LINC00632: variants seen among roughly 807,000 people sequenced by gnomAD.
LINC00632 encodes the protein long independently transcribed non-coding RNA 632, also known as ALDOA related specific transcript.
chrX:140,790,773 C>A (rs777725355), exon 5 of LINC00632, among the ~76,000 whole-genome samples: 2 of 111,048 alleles, frequency 1.8e-5, no homozygotes, highest in Non-Finnish European at 3.8e-5. Flanking sequence ...ATTCCTCTTA[C>A]GTGAATGATA....
intron 3 of LINC00632, among the ~76,000 whole-genome samples, chrX:140,764,892 C>T (rs1931661819): frequency 9.0e-6 from 1 of 110,856 alleles, no homozygotes; most frequent in Non-Finnish European, 1.9e-5. Context: ...ATCTTTTACC[C>T]CTTCGGTAGC....
chrX:140,723,243 TACACAG>T (rs1351253678), intron 2 of LINC00632, among the ~76,000 whole-genome samples: 4 of 19,425 alleles, frequency 2.1e-4, no homozygotes, highest in East Asian at 1.3e-3. Flanking sequence ...ACACATTCCA[TACACAG>T]ACACAGACAC....
intron 3 of LINC00632, among the ~76,000 whole-genome samples, chrX:140,769,544 G>C (rs1931754384): frequency 9.3e-6 from 1 of 107,317 alleles, no homozygotes; most frequent in Non-Finnish European, 1.9e-5. Flanking sequence ...AGGAAGAATA[G>C]GTCAGATTAA....
At chrX:140,744,257 A>G (rs1471243062) in intron 3 of LINC00632, among the ~76,000 whole-genome samples, 2 of 110,500 alleles carry the variant, frequency 1.8e-5, no homozygotes, top group Non-Finnish European at 3.8e-5. Context: ...ATGAGTCACA[A>G]TCTAGATCAG....
At chrX:140,768,838 A>T (rs2148399863) in intron 3 of LINC00632, among the ~76,000 whole-genome samples, 1 of 102,685 alleles carries the variant, frequency 9.7e-6, no homozygotes, top group Non-Finnish European at 1.9e-5. Flanking sequence ...TTATATATAT[A>T]TTTGTACTAA....
At chrX:140,728,089 A>C (rs1193039030) in intron 2 of LINC00632, among the ~76,000 whole-genome samples, 1 of 110,226 alleles carries the variant, frequency 9.1e-6, no homozygotes, top group African/African-American at 3.3e-5. Context: ...AAAAATACAA[A>C]ATTAACTGGG....
At position 140,715,016 on chromosome X, in the gene LINC00632, G is replaced by C. The variant is rs73590115; in HGVS notation, n.104+3360G>C. Among the ~76,000 whole-genome samples the C allele has an allele frequency of 4.1e-3, 454 of 110,702 alleles. 3 individuals carry two copies. The highest frequency in any genetic ancestry group is 0.014 in the African/African-American group (438 of 30,437). Reference sequence around the variant, plus strand: ...CTCCTCAGACACACTCTGATAAATAGACATACCTGACAATGTACAGCTTGG... The same window carrying C: ...CTCCTCAGACACACTCTGATAAATACACATACCTGACAATGTACAGCTTGG... On this transcript the variant is annotated intron_variant and non_coding_transcript_variant, in intron 2 of 4. Coordinates refer to ENST00000648200, the Ensembl canonical transcript of LINC00632.
rs1569354598 is a variant in LINC00632, at chrX:140,762,214, AG to A, written n.192-9863del. On this transcript the variant is annotated intron_variant and non_coding_transcript_variant, in intron 3 of 4. Coordinates refer to ENST00000648200, the Ensembl canonical transcript of LINC00632. Reference sequence around the variant, plus strand: ...GACCTCGTCAGTTTTTCGAAAAGAGAGAGAGAGAGAGAGAGAGAGAGAGAGA... The same window carrying A: ...GACCTCGTCAGTTTTTCGAAAAGAGAAGAGAGAGAGAGAGAGAGAGAGAGA... 3.9e-3 allele frequency among the ~76,000 whole-genome samples: 310 copies of A among 79,299 alleles called. 2 individuals carry two copies. The highest frequency in any genetic ancestry group is 0.015 in the African/African-American group (295 of 19,761). The allele number at this position is 79,299 out of a possible 115,157, so 68.9% of individuals were successfully genotyped here.
chrX:140,760,461 T>C (rs1931579407), intron 3 of LINC00632, among the ~76,000 whole-genome samples: 1 of 111,430 alleles, frequency 9.0e-6, no homozygotes, highest in South Asian at 3.8e-4. Flanking sequence ...GTGAGGGATG[T>C]GGTAAAACAG....
intron 3 of LINC00632, among the ~76,000 whole-genome samples, chrX:140,742,874 AGAGAGG>A (rs1569351792): frequency 9.5e-5 from 9 of 94,592 alleles, no homozygotes; most frequent in African/African-American, 3.7e-4. Flanking sequence ...AGAGAGAGAG[AGAGAGG>A]AAGGAAGGAA....
At chrX:140,790,331 A>T (rs191026889) in exon 5 of LINC00632, among the ~76,000 whole-genome samples, 125 of 111,225 alleles carry the variant, frequency 1.1e-3, no homozygotes, top group African/African-American at 3.8e-3. Context: ...ATTCAATTGA[A>T]TTATTTCCAT....
intron 3 of LINC00632, among the ~76,000 whole-genome samples, chrX:140,768,148 G>A (rs1023885492): frequency 3.3e-4 from 37 of 111,267 alleles, no homozygotes; most frequent in African/African-American, 1.2e-3. Context: ...GAGCTTGGAC[G>A]CTAGCTGTGT....
At chrX:140,760,685 C>A (rs1455979752) in intron 3 of LINC00632, among the ~76,000 whole-genome samples, 1 of 111,393 alleles carries the variant, frequency 9.0e-6, no homozygotes, top group East Asian at 2.8e-4. Flanking sequence ...GCAGGAGAAT[C>A]ACTTGAACCC....
intron 3 of LINC00632, among the ~76,000 whole-genome samples, chrX:140,739,600 G>A (rs1931194790): frequency 9.0e-6 from 1 of 111,326 alleles, no homozygotes; most frequent in South Asian, 3.8e-4. Flanking sequence ...ATGATGTAAT[G>A]CTTTCATATT....
chrX:140,780,297 T>C (rs1195804111), exon 5 of LINC00632, among the ~76,000 whole-genome samples: 1 of 111,605 alleles, frequency 9.0e-6, no homozygotes, highest in Non-Finnish European at 1.9e-5. Flanking sequence ...TTAATTTCCC[T>C]CAAATTAAGG....
At chrX:140,758,647 G>A (rs1291950684) in intron 3 of LINC00632, among the ~76,000 whole-genome samples, 3 of 111,912 alleles carry the variant, frequency 2.7e-5, no homozygotes, top group African/African-American at 9.7e-5. Flanking sequence ...CAAAGTGCTG[G>A]GATTACAGGC....
chrX:140,726,020 CAACT>C (rs1343434759), intron 2 of LINC00632, among the ~76,000 whole-genome samples: 1 of 111,282 alleles, frequency 9.0e-6, no homozygotes, highest in Non-Finnish European at 1.9e-5. Flanking sequence ...ACATCATCCA[CAACT>C]AACAGACATG....
chrX:140,784,323 A>G, exon 5 of LINC00632: 1 of 1,211,219 alleles, frequency 8.3e-7, no homozygotes, highest in Non-Finnish European at 1.1e-6. Context: ...GTCTTCCAAC[A>G]AAGGTACGTC....
chrX:140,788,346 T>A (rs1021520684), exon 5 of LINC00632, among the ~76,000 whole-genome samples: 3 of 110,245 alleles, frequency 2.7e-5, no homozygotes, highest in African/African-American at 9.8e-5. Context: ...GGCAAGTTAA[T>A]GAGTAAAAAT....
Sources: gnomAD v4.1 joint callset for allele counts (sites outside exome capture counted in the v4.1 genomes callset) on GRCh38, gnomAD v4.1.1 for gene constraint, MANE v1.5 for transcripts, NCBI Gene and HGNC (gene_info 2026-07-23, HGNC 2026-07-21) for gene names.